The following SMAD3 variants were observed in gnomAD, a reference collection of about 807,000 sequenced individuals.
SMAD3 encodes the protein SMAD family member 3, also known as MAD homolog 3.
A neutral mutation model predicts 51.8 loss-of-function variants in SMAD3; 12 were observed. That is an observed-to-expected ratio of 0.23 (90% CI 0.15 to 0.38). The LOEUF is 0.38. Ranked by LOEUF, SMAD3 falls within the 10% of genes least tolerant of loss-of-function variation. The pLI, the probability that SMAD3 is intolerant of heterozygous loss-of-function variation, is 1.00. For missense variants in SMAD3, 294 were observed against 565.6 expected (o/e 0.52, Z 4.87); for synonymous variants, 238 against 227.7 (o/e 1.05, Z -0.41).
intron 1 of SMAD3, among the ~76,000 whole-genome samples, chr15:67,070,138 AG>A (rs1167704788): frequency 6.6e-6 from 1 of 152,166 alleles, no homozygotes; most frequent in East Asian, 1.9e-4. Flanking sequence ...CCTATTACTA[AG>A]GCTGTAGAGG....
At chr15:67,145,336 G>A (rs938330997) in intron 1 of SMAD3, among the ~76,000 whole-genome samples, 3 of 152,200 alleles carry the variant, frequency 2.0e-5, no homozygotes, top group East Asian at 1.9e-4. Context: ...CACAATCCAC[G>A]AAGGGGGGAG....
At chr15:67,186,871 G>A (rs1416991150) in intron 7 of SMAD3, 10 of 356,104 alleles carry the variant, frequency 2.8e-5, no homozygotes, top group Non-Finnish European at 5.6e-5. Context: ...GGCAGGCCCA[G>A]TAGCCTTTCG....
At chr15:67,117,907 C>T (rs780984407) in intron 1 of SMAD3, among the ~76,000 whole-genome samples, 12 of 152,112 alleles carry the variant, frequency 7.9e-5, no homozygotes, top group African/African-American at 1.4e-4. Context: ...GCCTGGCCAA[C>T]GTGGCAAAAC....
chr15:67,119,436 G>T (rs1273048953), intron 1 of SMAD3, among the ~76,000 whole-genome samples: 1 of 151,986 alleles, frequency 6.6e-6, no homozygotes, highest in Non-Finnish European at 1.5e-5. Flanking sequence ...CCACACAGCT[G>T]TGCTGGGGCC....
In SMAD3 at chr15:67,194,290, T is replaced by A; in HGVS notation, c.*3754T>A. The A allele has an allele frequency of 8.6e-6, 2 of 233,380 alleles. No homozygotes were observed. The highest frequency in any genetic ancestry group is 1.7e-5 in the Non-Finnish European group (2 of 118,018). 14.5% of individuals were successfully genotyped at this position (233,380 alleles called of 1,614,324 possible). A position where few individuals can be genotyped will look rare whatever the true frequency, so the allele number is the denominator to read the frequency against. On this transcript the variant is annotated 3_prime_UTR_variant, in exon 9 of 9. Transcript: ENST00000327367. Reference sequence around the variant, plus strand: ...TATTTTCATCACAGTTTAAGGAGCATCAGCCGCTTCTCAAGTGGGTAGGGA... The same window carrying A: ...TATTTTCATCACAGTTTAAGGAGCAACAGCCGCTTCTCAAGTGGGTAGGGA...
chr15:67,098,269 G>A lies in SMAD3; in HGVS notation c.206+31909G>A, dbSNP rs572236691. ...CTGTGAGATGAGAGGATTGGGCTTT[G>A]TGCCTAAACTGCCCCCCCACCCCAC... On this transcript the variant is annotated intron_variant, in intron 1 of 8. Transcript: ENST00000327367. Among the ~76,000 whole-genome samples, 21 of 144,718 alleles carry A rather than the reference G, an allele frequency of 1.5e-4. No individual in the cohort carries two copies. The South Asian group carries it at 4.9e-3, about 34-fold the overall frequency. The allele number at this position is 144,718 out of a possible 152,430, so 94.9% of individuals were successfully genotyped here.
chr15:67,134,852 G>A (rs1961617171), intron 1 of SMAD3, among the ~76,000 whole-genome samples: 1 of 152,194 alleles, frequency 6.6e-6, no homozygotes, highest in African/African-American at 2.4e-5. Context: ...TCACACTCAC[G>A]GCAGAGGTGA....
Position 67,144,097 on chromosome 15 carries a change from ACATGTCCATCACT to A in SMAD3, c.207-20796_207-20784del, listed in dbSNP as rs542421614. Among the ~76,000 whole-genome samples the A allele has an allele frequency of 1.6e-3, 238 of 152,284 alleles. 2 individuals carry two copies. Among genetic ancestry groups the A allele is most frequent in the African/African-American group, 5.6e-3 (233 of 41,546 alleles). The stretch of plus-strand genomic sequence containing the variant: ...AAACCATCACCAGTCAAGATAATGA[ACATGTCCATCACT>A]CCTCTAAAACTTTCCTCCTGCCTCT... On this transcript the variant is annotated intron_variant, in intron 1 of 8. Transcript: ENST00000327367.
chr15:67,100,768 A>G (rs1235048372), intron 1 of SMAD3, among the ~76,000 whole-genome samples: 1 of 152,196 alleles, frequency 6.6e-6, no homozygotes, highest in Admixed American at 6.5e-5. Flanking sequence ...GGCAGAAGAA[A>G]GAATGGGACT....
intron 5 of SMAD3, among the ~76,000 whole-genome samples, chr15:67,176,027 TC>T (rs1446747876): frequency 3.3e-5 from 5 of 152,206 alleles, no homozygotes; most frequent in Admixed American, 6.5e-5. Context: ...TTGCCACTGT[TC>T]CTGGTTGCAG....
chr15:67,162,945 T>TGTG (rs575765664), intron 1 of SMAD3, among the ~76,000 whole-genome samples: 1,662 of 124,286 alleles, frequency 0.013, 39 homozygotes, highest in African/African-American at 0.045. Context: ...TGTAGGTTTC[T>TGTG]GTGATGATGA....
chr15:67,127,764 G>A (rs775616242), intron 1 of SMAD3, among the ~76,000 whole-genome samples: 5 of 152,146 alleles, frequency 3.3e-5, no homozygotes, highest in Non-Finnish European at 5.9e-5. Context: ...CTTATGGTCA[G>A]TCTATTCTGT....
At position 67,187,473 on chromosome 15, in the gene SMAD3, G is replaced by A. The variant is rs1060500766; in HGVS notation, c.1118G>A (p.Arg373His). The A allele has an allele frequency of 6.2e-7, 1 of 1,614,178 alleles. No individual in the cohort carries two copies. Among genetic ancestry groups the A allele is most frequent in the Non-Finnish European group, 8.5e-7 (1 of 1,180,022 alleles). Residue 373 changes from arginine to histidine, a missense_variant, in exon 8 of 9, where the codon CGC becomes CAC. Physicochemically the swap from Arg to His is conservative, Grantham distance 29. Transcript: ENST00000327367. ...VYQLTRMCTIRMSFVKGWGAE... is the reference protein window; with the variant it reads ...VYQLTRMCTIHMSFVKGWGAE... ...CAGTTGACCCGAATGTGCACCATCCGCATGAGCTTCGTCAAAGGCTGGGGA... is the reference window on the plus strand; with the variant it reads ...CAGTTGACCCGAATGTGCACCATCCACATGAGCTTCGTCAAAGGCTGGGGA...
intron 8 of SMAD3, among the ~76,000 whole-genome samples, chr15:67,188,795 T>G (rs1963289107): frequency 6.6e-6 from 1 of 152,262 alleles, no homozygotes; most frequent in Non-Finnish European, 1.5e-5. Flanking sequence ...GGCCACCGTT[T>G]GTAATGAAAT....
chr15:67,099,245 A>G (rs1045657529), intron 1 of SMAD3, among the ~76,000 whole-genome samples: 56 of 152,186 alleles, frequency 3.7e-4, no homozygotes, highest in Non-Finnish European at 1.8e-4. Context: ...GCAGACATCA[A>G]TTCCTCATGT....
chr15:67,101,634 AGGATCTT>A (rs1035031216), intron 1 of SMAD3, among the ~76,000 whole-genome samples: 3 of 152,238 alleles, frequency 2.0e-5, no homozygotes, highest in Non-Finnish European at 4.4e-5. Context: ...ATAAGGTTTG[AGGATCTT>A]GGAAGTTCAG....
At chr15:67,070,578 A>G (rs1960030810) in intron 1 of SMAD3, among the ~76,000 whole-genome samples, 1 of 151,822 alleles carries the variant, frequency 6.6e-6, no homozygotes, top group African/African-American at 2.4e-5. Context: ...TGAGAAGCTT[A>G]CACATCAGTA....
chr15:67,120,693 G>A (rs1961238954), intron 1 of SMAD3, among the ~76,000 whole-genome samples: 2 of 152,130 alleles, frequency 1.3e-5, no homozygotes, highest in Non-Finnish European at 2.9e-5. Flanking sequence ...TGGGAAATTG[G>A]GAAGGGAATT....
chr15:67,181,526 G>A, intron 6 of SMAD3, 73 bp downstream of exon 6: 1 of 1,159,200 alleles, frequency 8.6e-7, no homozygotes, highest in Non-Finnish European at 1.2e-6. Context: ...CCCCAGGCCT[G>A]AACACACAGC....
Sources: gnomAD v4.1 joint callset for allele counts (sites outside exome capture counted in the v4.1 genomes callset) on GRCh38, gnomAD v4.1.1 for gene constraint, MANE v1.5 for transcripts, NCBI Gene and HGNC (gene_info 2026-07-23, HGNC 2026-07-21) for gene names.